FLNA: variants seen among roughly 807,000 people sequenced by gnomAD.
FLNA encodes the protein filamin-A.
Under a neutral mutation model 157.6 loss-of-function variants are expected in FLNA, and 7 were observed. That is an observed-to-expected ratio of 0.04 (90% CI 0.03 to 0.08). The LOEUF (loss-of-function observed/expected upper bound fraction) is 0.08, where lower values mean the gene tolerates loss of function less well. Among genes scored for constraint, FLNA ranks in the 10% least tolerant of loss-of-function variants. The pLI, the probability that FLNA is intolerant of heterozygous loss-of-function variation, is 1.00. For synonymous variants in FLNA, 1,103 were observed against 1,060.8 expected (o/e 1.04, Z -0.77); for missense variants, 1,750 against 2,398.4 (o/e 0.73, Z 5.65).
Position 154,359,038 on chromosome X carries a change from C to T in FLNA, c.4420G>A (p.Asp1474Asn), listed in dbSNP as rs782129236. 1.7e-6 allele frequency: 2 copies of T among 1,211,374 alleles called. No individual in the cohort carries two copies. Among genetic ancestry groups the T allele is most frequent in the East Asian group, 5.9e-5 (2 of 33,862 alleles). ...RANLPQSFQVDTSKAGVAPLQ... is the reference protein window; with the variant it reads ...RANLPQSFQVNTSKAGVAPLQ... ...GGGGCCACACCAGCCTTGCTTGTGT[C>T]CACCTGGAAGGACTGAGGGAGGTTG... is the stretch of plus-strand genomic sequence containing the variant. The change falls in exon 26 of 48, where the codon GAC (aspartate) becomes AAC (asparagine). Residue 1474 changes from aspartate (D) to asparagine (N), a missense_variant. Coordinates refer to ENST00000369850, the MANE Select transcript of FLNA (RefSeq NM_001110556.2).
rs782442409 is a variant in FLNA, at chrX:154,349,657, T to C, written c.7544A>G (p.Lys2515Arg). 3 of 1,211,924 alleles carry C rather than the reference T, an allele frequency of 2.5e-6. No homozygotes were observed. The highest frequency in any genetic ancestry group is 1.8e-5 in the South Asian group (1 of 57,055). Residue 2515 changes from lysine (K) to arginine (R), a missense_variant, in exon 46 of 48, where the codon AAA becomes AGA. Coordinates refer to ENST00000369850, the MANE Select transcript of FLNA (RefSeq NM_001110556.2). Reference protein sequence around the residue: ...YHIGGSPFKAKVTGPRLVSNH... With the variant: ...YHIGGSPFKARVTGPRLVSNH... The stretch of plus-strand genomic sequence containing the variant: ...CTTGGCCCCAGGCTCACCTGTGACT[T>C]TGGCCTTGAAGGGGCTGCCCCCAAT...
intron 2 of FLNA, among the ~76,000 whole-genome samples, chrX:154,368,842 GAC>G (rs1401456494): frequency 1.8e-5 from 2 of 112,995 alleles, no homozygotes; most frequent in Non-Finnish European, 3.8e-5. Context: ...GGCAGCAGGA[GAC>G]ACTGGGAACC....
chrX:154,361,209 A>AAAAAGGAT, intron 21 of FLNA, 99 bp downstream of exon 21: 1 of 899,313 alleles, frequency 1.1e-6, no homozygotes, highest in Non-Finnish European at 1.5e-6. Context: ...AAAAAAAAAA[A>AAAAAGGAT]AAAAGGATTT....
intron 1 of FLNA, among the ~76,000 whole-genome samples, chrX:154,372,592 A>G (rs2067816332): frequency 9.0e-6 from 1 of 110,957 alleles, no homozygotes; most frequent in South Asian, 3.8e-4. Flanking sequence ...GACTGGGACC[A>G]GGGGACGGCT....
At position 154,349,828 on chromosome X, in the gene FLNA, C is replaced by T; in HGVS notation, c.7373G>A (p.Gly2458Glu). The T allele has an allele frequency of 8.3e-7, 1 of 1,211,438 alleles. No individual in the cohort carries two copies. Among genetic ancestry groups the T allele is most frequent in the Non-Finnish European group, 1.1e-6 (1 of 895,348 alleles). ...AATGGTCACCGACAGGGCACCAGCT[C>T]CCGCATTGCTCGTGTTCACGACGAA... is the stretch of plus-strand genomic sequence containing the variant. Reference protein sequence around the residue: ...AEFVVNTSNAGAGALSVTIDG... With the variant: ...AEFVVNTSNAEAGALSVTIDG... Residue 2458 changes from glycine to glutamate, a missense_variant, in exon 46 of 48, where the codon GGA becomes GAA. Around this residue, in one of 5 missense-constraint regions of FLNA, gnomAD observed 970 missense variants for 1,302.6 expected, o/e 0.74. Transcript: ENST00000369850.
At position 154,352,308 on chromosome X, in the gene FLNA, C is replaced by G. The variant is rs1064822; in HGVS notation, c.6642G>C (p.Val2214=). 9.9e-3 allele frequency: 11,921 copies of G among 1,210,224 alleles called. 718 individuals are homozygous for G. In the African/African-American group the frequency reaches 0.18, roughly 18 times the overall value. The change falls in exon 41 of 48, where the codon GTG becomes GTC. Residue 2214 remains valine, a synonymous_variant. Transcript: ENST00000369850. The stretch of plus-strand genomic sequence containing the variant: ...CAGGCACGTGCTGGCCCTTGTACTT[C>G]ACGCTGACTGTGTGTGTGCCCATCT... ...PAEMGTHTVS[V]KYKGQHVPGS...
At chrX:154,363,134 C>T (rs1296796942) in intron 15 of FLNA, among the ~76,000 whole-genome samples, 1 of 112,396 alleles carries the variant, frequency 8.9e-6, no homozygotes, top group Non-Finnish European at 1.9e-5. Context: ...ATAAATGAAG[C>T]GGCCGGACGT....
At chrX:154,351,187 A>G in intron 43 of FLNA, 146 bp from the exon 44 acceptor site, 1 of 597,831 alleles carries the variant, frequency 1.7e-6, no homozygotes. Flanking sequence ...ACTGATTTGC[A>G]AGGGGCAGCA....
intron 31 of FLNA, 48 bp downstream of exon 31, chrX:154,354,777 C>A: frequency 8.3e-7 from 1 of 1,210,648 alleles, no homozygotes; most frequent in Non-Finnish European, 1.1e-6. Flanking sequence ...GGGAACAGGC[C>A]GGGACCTGCC....
intron 2 of FLNA, among the ~76,000 whole-genome samples, chrX:154,368,589 A>T (rs1460700721): frequency 8.9e-6 from 1 of 112,015 alleles, no homozygotes; most frequent in Non-Finnish European, 1.9e-5. Flanking sequence ...GTGGTTGGGA[A>T]ATACAACTGT....
chrX:154,358,750 G>A (rs2067681547), intron 26 of FLNA, 182 bp from the exon 27 acceptor site: 2 of 627,587 alleles, frequency 3.2e-6, no homozygotes, highest in Admixed American at 2.6e-5. Context: ...TGCCAGCTGG[G>A]ACCCTTGCCT....
intron 21 of FLNA, among the ~76,000 whole-genome samples, chrX:154,360,876 G>A (rs944778487): frequency 3.7e-5 from 4 of 107,639 alleles, no homozygotes; most frequent in South Asian, 8.3e-4. Flanking sequence ...GTGAAATCTC[G>A]TCTCTACTAA....
rs781942051 is a variant in FLNA at position 154,364,314 on chromosome X, T to C, written c.2081A>G (p.Glu694Gly). ...KTGVAVNKPA[E>G]FTVDAKHGGK... is the part of the protein sequence containing the mutation. ...ACCGTGCTTGGCATCCACTGTGAAC[T>C]CTGCTGGCTTGTTGACGGCCACACC... Residue 694 changes from glutamate to glycine, a missense_variant, in exon 14 of 48, where the codon GAG (glutamate) becomes GGG (glycine). Glu to Gly is a moderately conservative substitution (Grantham distance 98, BLOSUM62 -2). Around this residue, in one of 5 missense-constraint regions of FLNA, gnomAD observed 648 missense variants for 805.8 expected, o/e 0.80. Coordinates refer to ENST00000369850, the MANE Select transcript of FLNA (RefSeq NM_001110556.2). 8.3e-7 allele frequency: 1 copy of C among 1,211,147 alleles called. No individual in the cohort carries two copies. Among genetic ancestry groups the C allele is most frequent in the Non-Finnish European group, 1.1e-6 (1 of 895,403 alleles).
intron 28 of FLNA, 39 bp downstream of exon 28, chrX:154,358,160 C>T: frequency 1.7e-6 from 2 of 1,203,824 alleles, no homozygotes; most frequent in South Asian, 3.5e-5. Flanking sequence ...TCCAGCCGCC[C>T]AGGCCCCCCT....
chrX:154,350,942 G>A lies in FLNA; in HGVS notation c.7123C>T (p.Leu2375=), dbSNP rs1557175605. The A allele has an allele frequency of 4.1e-6, 5 of 1,209,825 alleles. No homozygotes were observed. The highest frequency in any genetic ancestry group is 4.4e-5 in the Admixed American group (2 of 45,905). Residue 2375 remains leucine (L), a synonymous_variant, in exon 44 of 48, where the codon CTG becomes TTG. Transcript: ENST00000369850. ...ATTTCTGTGACATAGCACTCCTCCA[G>A]GGCTCCTGAGGGGCTGTGCACCTTG... ...DAKVHSPSGA[L]EECYVTEIDQ...
chrX:154,354,700 C>T lies in FLNA; in HGVS notation c.5229G>A (p.Gly1743=), dbSNP rs2067649018. Reference sequence around the variant, plus strand: ...GAGGGGGCTGCACCGAGGGCTGGTCCCCAGCCAGAGCCTGCAGGGCAAAGC... The same window carrying T: ...GAGGGGGCTGCACCGAGGGCTGGTCTCCAGCCAGAGCCTGCAGGGCAAAGC... ...NSPFQVTALA[G]DQPSVQPPLR... Residue 1743 remains glycine (G), a synonymous_variant, in exon 32 of 48, where the codon GGG becomes GGA. Transcript: ENST00000369850. 1 of 1,207,377 alleles carries T rather than the reference C, an allele frequency of 8.3e-7. No individual in the cohort carries two copies. The highest frequency in any genetic ancestry group is 1.1e-6 in the Non-Finnish European group (1 of 893,326).
chrX:154,373,210 T>C (rs974160218), intron 1 of FLNA, among the ~76,000 whole-genome samples: 1 of 112,041 alleles, frequency 8.9e-6, no homozygotes, highest in African/African-American at 3.2e-5. Context: ...GGAAAGCAAG[T>C]TCCCAGGCAC....
rs1557176328 is a variant in FLNA at position 154,353,925 on chromosome X, A to G, written c.5676T>C (p.Asp1892=). The G allele has an allele frequency of 8.2e-7, 1 of 1,212,229 alleles. No individual in the cohort carries two copies. Among genetic ancestry groups the G allele is most frequent in the East Asian group, 3.0e-5 (1 of 33,869 alleles). Residue 1892 remains aspartate (D), a synonymous_variant, in exon 35 of 48, where the codon GAT becomes GAC. Transcript: ENST00000369850. ...KPATFTVNTK[D]AGEGGLSLAI... ...AGAGCTATTGCTCACCCTCTCCTGC[A>G]TCCTTGGTGTTGACGGTGAAGGTGG...
intron 15 of FLNA, among the ~76,000 whole-genome samples, chrX:154,363,542 G>A (rs989119134): frequency 1.8e-5 from 2 of 110,474 alleles, no homozygotes; most frequent in African/African-American, 3.3e-5. Flanking sequence ...GTGAAACCTT[G>A]TCTCTACTAA....
Sources: allele counts gnomAD v4.1 joint callset (sites outside exome capture counted in the v4.1 genomes callset), GRCh38; gene constraint gnomAD v4.1.1; regional missense constraint gnomAD v4.1.1; transcripts MANE v1.5; gene names NCBI Gene and HGNC (gene_info 2026-07-23, HGNC 2026-07-21).